The following ANGPT1 variants were observed in gnomAD, a reference collection of about 807,000 sequenced individuals.
ANGPT1 encodes angiopoietin 1, also known as angiopoietin-1.
In ANGPT1, 17 loss-of-function variants were observed where a neutral mutation model predicts 62.2. That is an observed-to-expected ratio of 0.27 (90% CI 0.19 to 0.41). The LOEUF (loss-of-function observed/expected upper bound fraction) is 0.41, where lower values mean the gene tolerates loss of function less well. Ranked by LOEUF, ANGPT1 falls within the 10% of genes least tolerant of loss-of-function variation. The probability of loss-of-function intolerance (pLI) is 1.00; values close to 1 mark genes in which losing one functional copy is unlikely to be tolerated. For synonymous variants in ANGPT1, 199 were observed against 198.9 expected (o/e 1.00, Z 0.00); for missense variants, 478 against 594.9 (o/e 0.80, Z 2.04).
intron 1 of ANGPT1, among the ~76,000 whole-genome samples, chr8:107,446,029 T>G: frequency 6.6e-6 from 1 of 152,206 alleles, no homozygotes; most frequent in East Asian, 1.9e-4. Flanking sequence ...GCGATTCTTC[T>G]GCCTCAGCCT....
At chr8:107,345,135 C>T (rs1039441205) in intron 2 of ANGPT1, among the ~76,000 whole-genome samples, 7 of 152,114 alleles carry the variant, frequency 4.6e-5, no homozygotes, top group Admixed American at 4.6e-4. Context: ...TTCTACTTCC[C>T]TCTCATTGCT....
chr8:107,253,264 G>T lies in ANGPT1; in HGVS notation c.1337-1249C>A, dbSNP rs147143248. Among the ~76,000 whole-genome samples, 650 of 152,184 alleles carry T rather than the reference G, an allele frequency of 4.3e-3. 3 individuals are homozygous for T. Among genetic ancestry groups the T allele is most frequent in the South Asian group, 0.014 (66 of 4,816 alleles). ...AATGTTAATGTAGTCAAAACATGAG[G>T]GACAAAAAGGTTCTTGTTTGGAAAA... is the stretch of plus-strand genomic sequence containing the variant. On this transcript the variant is annotated intron_variant, in intron 8 of 8. Coordinates refer to ENST00000517746, the MANE Select transcript of ANGPT1 (RefSeq NM_001146.5).
intron 6 of ANGPT1, among the ~76,000 whole-genome samples, chr8:107,292,393 T>C (rs1317761044): frequency 6.6e-6 from 1 of 152,166 alleles, no homozygotes; most frequent in Admixed American, 6.5e-5. Flanking sequence ...CCTAAACTAC[T>C]AGTAATGTAC....
chr8:107,311,291 T>C (rs1260871570), intron 4 of ANGPT1, among the ~76,000 whole-genome samples: 1 of 152,198 alleles, frequency 6.6e-6, no homozygotes, highest in East Asian at 1.9e-4. Flanking sequence ...ATCACGGTAT[T>C]ATGATGAAAA....
chr8:107,324,739 C>T (rs1433911967), intron 3 of ANGPT1, among the ~76,000 whole-genome samples: 2 of 152,190 alleles, frequency 1.3e-5, no homozygotes, highest in African/African-American at 4.8e-5. Context: ...GCTGCTAAGA[C>T]TCTACTAATT....
chr8:107,405,567 A>G (rs1817133057), intron 1 of ANGPT1, among the ~76,000 whole-genome samples: 1 of 152,006 alleles, frequency 6.6e-6, no homozygotes, highest in African/African-American at 2.4e-5. Context: ...GGCTCTGTTT[A>G]TAAGGTGTAT....
chr8:107,297,071 G>A (rs1814433428), intron 5 of ANGPT1, among the ~76,000 whole-genome samples: 1 of 152,004 alleles, frequency 6.6e-6, no homozygotes, highest in Non-Finnish European at 1.5e-5. Flanking sequence ...GAGGAATCCA[G>A]TGACTTGTAA....
At chr8:107,311,372 C>CA (rs1476131267) in intron 4 of ANGPT1, among the ~76,000 whole-genome samples, 1 of 150,944 alleles carries the variant, frequency 6.6e-6, no homozygotes, top group Admixed American at 6.6e-5. Context: ...TTTTCTCTTC[C>CA]AAAAAAAGAA....
chr8:107,426,327 C>T (rs999624076), intron 1 of ANGPT1, among the ~76,000 whole-genome samples: 2 of 152,194 alleles, frequency 1.3e-5, no homozygotes, highest in African/African-American at 4.8e-5. Flanking sequence ...AAAGGTTTCT[C>T]AGAGGGGTGA....
intron 1 of ANGPT1, among the ~76,000 whole-genome samples, chr8:107,414,943 TA>T (rs1374846564): frequency 1.3e-5 from 2 of 152,146 alleles, no homozygotes; most frequent in African/African-American, 4.8e-5. Flanking sequence ...ATATTAGTAT[TA>T]AAAAATGGCT....
At chr8:107,489,950 A>G (rs1480519726) in intron 1 of ANGPT1, among the ~76,000 whole-genome samples, 2 of 151,738 alleles carry the variant, frequency 1.3e-5, no homozygotes, top group Non-Finnish European at 2.9e-5. Context: ...AAAAAAAAAA[A>G]GAAGAAAAGA....
chr8:107,322,193 C>G, intron 3 of ANGPT1, 65 bp from the exon 4 acceptor site: 2 of 1,139,946 alleles, frequency 1.8e-6, no homozygotes, highest in Non-Finnish European at 1.2e-6. Context: ...CCTTATAATT[C>G]AATTGGTTCC....
At position 107,251,921 on chromosome 8, in the gene ANGPT1, G is replaced by A. The variant is rs907782415; in HGVS notation, c.1431C>T (p.His477=). Residue 477 remains histidine (H), a synonymous_variant, in exon 9 of 9, where the codon CAC becomes CAT. Transcript: ENST00000517746. ...AGGAGTAACTGGGCCCTTTGAAGTA[G>A]TGCCACTTTATCCCATTCAGTTTTC... ...NHGKLNGIKW[H]YFKGPSYSLR... The A allele has an allele frequency of 6.2e-7, 1 of 1,613,960 alleles. No homozygotes were observed. The highest frequency in any genetic ancestry group is 1.6e-4 in the Middle Eastern group (1 of 6,062).
chr8:107,300,455 G>A (rs1399574793), intron 5 of ANGPT1, among the ~76,000 whole-genome samples: 1 of 151,682 alleles, frequency 6.6e-6, no homozygotes, highest in Non-Finnish European at 1.5e-5. Flanking sequence ...AATAAAACAA[G>A]AGAATGAACA....
intron 2 of ANGPT1, among the ~76,000 whole-genome samples, chr8:107,340,227 A>G (rs1025894199): frequency 2.0e-5 from 3 of 152,236 alleles, no homozygotes; most frequent in Non-Finnish European, 2.9e-5. Context: ...AAAAAAAAAG[A>G]AAATTTTTAA....
At chr8:107,373,531 G>C (rs1482234398) in intron 1 of ANGPT1, among the ~76,000 whole-genome samples, 1 of 152,186 alleles carries the variant, frequency 6.6e-6, no homozygotes, top group Non-Finnish European at 1.5e-5. Flanking sequence ...GATTGAAGGA[G>C]TGAAATGATG....
At chr8:107,367,840 A>G (rs1035889910) in intron 1 of ANGPT1, among the ~76,000 whole-genome samples, 6 of 152,200 alleles carry the variant, frequency 3.9e-5, no homozygotes, top group South Asian at 2.1e-4. Context: ...CACAACTTCA[A>G]GCTCCACTTC....
chr8:107,343,124 A>G (rs745442614), intron 2 of ANGPT1, among the ~76,000 whole-genome samples: 13 of 150,528 alleles, frequency 8.6e-5, no homozygotes, highest in Non-Finnish European at 1.5e-4. Flanking sequence ...GGTGCGGGCC[A>G]CTCTACCTGG....
chr8:107,306,285 A>G (rs1814715487), intron 4 of ANGPT1, among the ~76,000 whole-genome samples: 1 of 152,108 alleles, frequency 6.6e-6, no homozygotes, highest in Admixed American at 6.6e-5. Context: ...ACATTGAATT[A>G]GCCTCTCCTG....
Sources: allele counts gnomAD v4.1 joint callset (sites outside exome capture counted in the v4.1 genomes callset), GRCh38; gene constraint gnomAD v4.1.1; transcripts MANE v1.5; gene names NCBI Gene and HGNC (gene_info 2026-07-23, HGNC 2026-07-21).